The following CLSTN2 variants were observed in gnomAD, a reference collection of about 807,000 sequenced individuals.
CLSTN2 encodes calsyntenin 2, also known as calsyntenin-2.
CLSTN2 carries 48 observed loss-of-function variants against 101.2 expected under a neutral mutation model. The ratio of observed to expected loss-of-function variants is 0.47; its 90% CI spans 0.38 to 0.60. The LOEUF (loss-of-function observed/expected upper bound fraction) is 0.60. CLSTN2 is among the 20% of genes least tolerant of loss of function. The pLI is 0.00. For synonymous variants in CLSTN2, 481 were observed against 463.6 expected, an observed-to-expected ratio of 1.04 and a Z score of -0.48; for missense variants, 1,160 against 1,238.2, an observed-to-expected ratio of 0.94 and a Z score of 0.95.
chr3:139,980,909 C>A (rs1174435042), intron 1 of CLSTN2, among the ~76,000 whole-genome samples: 2 of 152,146 alleles, frequency 1.3e-5, no homozygotes, highest in Non-Finnish European at 2.9e-5. Context: ...GTGGTCCACA[C>A]TGACTTCCAG....
intron 1 of CLSTN2, among the ~76,000 whole-genome samples, chr3:139,987,850 T>C (rs1311204759): frequency 1.3e-5 from 2 of 152,188 alleles, no homozygotes; most frequent in East Asian, 3.8e-4. Flanking sequence ...GGAACTGGAA[T>C]GATTTTAATT....
At chr3:140,030,171 G>A (rs1486114987) in intron 1 of CLSTN2, among the ~76,000 whole-genome samples, 2 of 152,108 alleles carry the variant, frequency 1.3e-5, no homozygotes, top group Non-Finnish European at 2.9e-5. Context: ...CCTGTCTGGA[G>A]GGCTTGCAAT....
chr3:140,330,482 C>T (rs1010014465), intron 2 of CLSTN2, among the ~76,000 whole-genome samples: 3 of 152,176 alleles, frequency 2.0e-5, no homozygotes, highest in Admixed American at 6.5e-5. Flanking sequence ...CAGTACTAAA[C>T]CCCAGTTTGC....
chr3:139,998,635 T>C (rs2006746341), intron 1 of CLSTN2, among the ~76,000 whole-genome samples: 1 of 152,048 alleles, frequency 6.6e-6, no homozygotes, highest in South Asian at 2.1e-4. Flanking sequence ...TGAGCCACCG[T>C]GCCTGGCCAC....
intron 2 of CLSTN2, among the ~76,000 whole-genome samples, chr3:140,208,377 G>A (rs2010810912): frequency 6.6e-6 from 1 of 152,118 alleles, no homozygotes; most frequent in Non-Finnish European, 1.5e-5. Flanking sequence ...TAGGAGAATA[G>A]ACTTCACTAA....
At chr3:140,247,674 A>AG (rs1406549081) in intron 2 of CLSTN2, among the ~76,000 whole-genome samples, 1 of 152,170 alleles carries the variant, frequency 6.6e-6, no homozygotes, top group Admixed American at 6.5e-5. Context: ...CATTTGAGTG[A>AG]GAAAGGCGGC....
At chr3:140,245,497 G>GAAAA (rs2107871436) in intron 2 of CLSTN2, among the ~76,000 whole-genome samples, 1 of 152,222 alleles carries the variant, frequency 6.6e-6, no homozygotes, top group East Asian at 1.9e-4. Context: ...AAGGTGCAAA[G>GAAAA]AAAAAGGAGT....
At chr3:139,970,319 G>A (rs1011267290) in intron 1 of CLSTN2, among the ~76,000 whole-genome samples, 1 of 151,928 alleles carries the variant, frequency 6.6e-6, no homozygotes, top group Non-Finnish European at 1.5e-5. Context: ...TGAAGCATCT[G>A]GGGGGGGATG....
chr3:140,043,362 G>A (rs548818443), intron 1 of CLSTN2, among the ~76,000 whole-genome samples: 1 of 152,294 alleles, frequency 6.6e-6, no homozygotes, highest in South Asian at 2.1e-4. Context: ...CCCACATGTT[G>A]ATGGGGTTGT....
At chr3:140,360,178 T>G (rs1235045287) in intron 2 of CLSTN2, among the ~76,000 whole-genome samples, 2 of 152,188 alleles carry the variant, frequency 1.3e-5, no homozygotes, top group African/African-American at 4.8e-5. Context: ...CGTTCCTTTT[T>G]TCTCTCCTTT....
rs1443192928 is a variant in CLSTN2 at position 140,063,338 on chromosome 3, G to T, written c.110-112613G>T. ...GATGGTATTGCTGGGCTTTTTTCTA[G>T]CTCTGGCACTTGAGTGGTGTCTGCT... On this transcript the variant is annotated intron_variant, in intron 1 of 16. Coordinates refer to ENST00000458420, the MANE Select transcript of CLSTN2 (RefSeq NM_022131.3). 2.0e-5 allele frequency among the ~76,000 whole-genome samples: 3 copies of T among 152,270 alleles called. No homozygotes were observed. In the East Asian group the frequency reaches 5.8e-4, roughly 29 times the overall value.
chr3:140,063,454 A>G (rs1337726111), intron 1 of CLSTN2, among the ~76,000 whole-genome samples: 2 of 152,130 alleles, frequency 1.3e-5, no homozygotes, highest in East Asian at 3.9e-4. Flanking sequence ...CTCCGCGTCC[A>G]TGCTAACTGA....
At chr3:140,100,017 C>T (rs986119723) in intron 1 of CLSTN2, among the ~76,000 whole-genome samples, 2 of 152,184 alleles carry the variant, frequency 1.3e-5, no homozygotes, top group Non-Finnish European at 2.9e-5. Flanking sequence ...CTTTCTCCTT[C>T]GTTTTCCCTC....
At chr3:140,490,117 TAC>T (rs71637079) in intron 8 of CLSTN2, among the ~76,000 whole-genome samples, 59 of 1,952 alleles carry the variant, frequency 0.03, 21 homozygotes, top group Non-Finnish European at 0.051. Flanking sequence ...TATATATATA[TAC>T]ACACACACAC....
chr3:140,533,597 G>A (rs1935302976), intron 9 of CLSTN2, among the ~76,000 whole-genome samples: 1 of 151,716 alleles, frequency 6.6e-6, no homozygotes, highest in Non-Finnish European at 1.5e-5. Flanking sequence ...TGTAGTCCCA[G>A]CTACTCGGGA....
intron 2 of CLSTN2, among the ~76,000 whole-genome samples, chr3:140,185,323 A>C (rs2010470270): frequency 6.6e-6 from 1 of 152,182 alleles, no homozygotes. Flanking sequence ...GAATCAGGAA[A>C]AACAAAAAAT....
intron 1 of CLSTN2, among the ~76,000 whole-genome samples, chr3:140,132,581 C>T (rs748940780): frequency 1.1e-4 from 17 of 151,984 alleles, no homozygotes; most frequent in Non-Finnish European, 2.4e-4. Flanking sequence ...CAGTTTTCTG[C>T]CTGAAAGTTG....
chr3:140,158,680 AG>A (rs2009995831), intron 1 of CLSTN2, among the ~76,000 whole-genome samples: 1 of 152,172 alleles, frequency 6.6e-6, no homozygotes, highest in Non-Finnish European at 1.5e-5. Flanking sequence ...TCGGAAAAAA[AG>A]ACTCTAAAAT....
At chr3:140,489,443 A>G (rs999101841) in intron 8 of CLSTN2, among the ~76,000 whole-genome samples, 8 of 152,184 alleles carry the variant, frequency 5.3e-5, no homozygotes, top group South Asian at 2.1e-4. Flanking sequence ...GTGAGGCTCA[A>G]TCCTGGCCCT....
Sources: gnomAD v4.1 joint callset for allele counts (sites outside exome capture counted in the v4.1 genomes callset) on GRCh38, gnomAD v4.1.1 for gene constraint, MANE v1.5 for transcripts, NCBI Gene and HGNC (gene_info 2026-07-23, HGNC 2026-07-21) for gene names.